Variants in KATNB1 observed in about 807,000 individuals in gnomAD.
KATNB1 encodes katanin regulatory subunit B1, also known as katanin p80 WD40 repeat-containing subunit B1.
A neutral mutation model predicts 82.3 loss-of-function variants in KATNB1; 38 were observed. That is an observed-to-expected ratio of 0.46 (90% CI 0.36 to 0.61). The LOEUF (loss-of-function observed/expected upper bound fraction) is 0.61. Ranked by LOEUF, KATNB1 falls within the 20% of genes least tolerant of loss-of-function variation. The pLI, the probability that KATNB1 is intolerant of heterozygous loss-of-function variation, is 0.00. For missense variants in KATNB1, 749 were observed against 915.7 expected (o/e 0.82, Z 2.35); for synonymous variants, 361 against 368.7 (o/e 0.98, Z 0.24).
chr16:57,739,147 C>A (rs146217323), intron 2 of KATNB1, among the ~76,000 whole-genome samples: 1 of 152,122 alleles, frequency 6.6e-6, no homozygotes, highest in African/African-American at 2.4e-5. Context: ...CTGAGGCTGC[C>A]GTGCTTTATC....
At chr16:57,750,076 A>G (rs1555582582) in intron 4 of KATNB1, among the ~76,000 whole-genome samples, 1 of 152,006 alleles carries the variant, frequency 6.6e-6, no homozygotes, top group African/African-American at 2.4e-5. Context: ...CTCCTCCATA[A>G]AGCCTTCCTG....
intron 4 of KATNB1, among the ~76,000 whole-genome samples, chr16:57,748,123 T>G (rs1555581914): frequency 6.6e-6 from 1 of 152,124 alleles, no homozygotes; most frequent in East Asian, 1.9e-4. Flanking sequence ...AAAACCCCAG[T>G]AGCTGCAGGT....
At position 57,751,922 on chromosome 16, in the gene KATNB1, TC is replaced by T; in HGVS notation, c.517-15del. On this transcript the variant is annotated splice_polypyrimidine_tract_variant and intron_variant, in intron 7 of 19. Coordinates refer to ENST00000379661, the MANE Select transcript of KATNB1 (RefSeq NM_005886.3). This position sits in a 1 kb window ranked among gnomAD's most constrained non-coding sequence, Gnocchi z 6.3. ...AAGATGCCTGGTCACCCTGACCTCC[TC>T]CCTGCCCTGCCTCCAGCTCTGGGAT... 6.3e-7 allele frequency: 1 copy of T among 1,599,648 alleles called. No individual in the cohort carries two copies.
chr16:57,753,532 T>A lies in KATNB1; in HGVS notation c.1177+13T>A, dbSNP rs1555584479. 1 of 1,611,782 alleles carries A rather than the reference T, an allele frequency of 6.2e-7. No individual in the cohort carries two copies. The highest frequency in any genetic ancestry group is 1.3e-5 in the African/African-American group (1 of 74,864). ...AAGAACAGCATCAGTGAGGCCGGGCTCCCGCCCCCAGCCCAGCGTCCCCAT... is the reference window on the plus strand; with the variant it reads ...AAGAACAGCATCAGTGAGGCCGGGCACCCGCCCCCAGCCCAGCGTCCCCAT... On this transcript the variant is annotated intron_variant, in intron 12 of 19. Coordinates refer to ENST00000379661, the MANE Select transcript of KATNB1 (RefSeq NM_005886.3).
Position 57,737,196 on chromosome 16 carries a change from GCA to G in KATNB1, c.-45_-44del, listed in dbSNP as rs770277243. On this transcript the variant is annotated 5_prime_UTR_variant, in exon 2 of 20. An upstream open reading frame in the 5' UTR loses its in-frame stop. Transcript: ENST00000379661. ...GATCCACCCCCACCCCACGAGGAAA[GCA>G]CAGTTTATTTTGTGGGTGGGGCTTC... is the stretch of plus-strand genomic sequence containing the variant. 4 of 1,612,030 alleles carry G rather than the reference GCA, an allele frequency of 2.5e-6. No individual in the cohort carries two copies. Among genetic ancestry groups the G allele is most frequent in the South Asian group, 1.1e-5 (1 of 90,912 alleles).
chr16:57,754,874 C>T, intron 13 of KATNB1, 56 bp from the exon 14 acceptor site: 1 of 1,576,446 alleles, frequency 6.3e-7, no homozygotes. Flanking sequence ...CTGAGCCCTG[C>T]CCTTCTTGCC....
At chr16:57,746,603 A>G (rs1555581499) in intron 4 of KATNB1, among the ~76,000 whole-genome samples, 1 of 151,780 alleles carries the variant, frequency 6.6e-6, no homozygotes, top group African/African-American at 2.4e-5. Flanking sequence ...ATTTTTCAAG[A>G]GAGGCTGGAA....
intron 13 of KATNB1, 30 bp from the exon 14 acceptor site, chr16:57,754,900 G>A (rs1555585065): frequency 1.2e-6 from 2 of 1,613,284 alleles, no homozygotes; most frequent in South Asian, 2.2e-5. Flanking sequence ...CTTCTGGCCG[G>A]ACCCAGTCAT....
Position 57,737,097 on chromosome 16 carries a change from C to T in KATNB1, c.-147C>T. On this transcript the variant is annotated 5_prime_UTR_variant, in exon 2 of 20. Coordinates refer to ENST00000379661, the MANE Select transcript of KATNB1 (RefSeq NM_005886.3). ...TTTGGAACCACGAGGCACCCCAGGG[C>T]CAGAAGACGAGGCATTCTGTCTGCC... 2 of 981,938 alleles carry T rather than the reference C, an allele frequency of 2.0e-6. No individual in the cohort carries two copies. The highest frequency in any genetic ancestry group is 3.1e-6 in the Non-Finnish European group (2 of 636,862). 60.8% of individuals were successfully genotyped at this position (981,938 alleles called of 1,614,324 possible).
chr16:57,747,578 C>G (rs1480927917), intron 4 of KATNB1, among the ~76,000 whole-genome samples: 1 of 152,252 alleles, frequency 6.6e-6, no homozygotes, highest in Admixed American at 6.5e-5. Flanking sequence ...CTTTGCGTCT[C>G]GGCACGTGAT....
In KATNB1 at chr16:57,755,312, C is replaced by T. The variant is rs782744587; in HGVS notation, c.1417-33C>T. The T allele has an allele frequency of 1.9e-6, 3 of 1,611,684 alleles. No individual in the cohort carries two copies. The South Asian group carries it at 3.3e-5, about 18-fold the overall frequency. On this transcript the variant is annotated intron_variant, in intron 15 of 19. Coordinates refer to ENST00000379661, the MANE Select transcript of KATNB1 (RefSeq NM_005886.3). ...GGCAGAGCTTTGCTGCTGGCTCCTC[C>T]CATGCCAGCATCTGGGTGTCCATCC...
At chr16:57,756,145 A>AC in intron 18 of KATNB1, 79 bp downstream of exon 18, 2 of 1,495,054 alleles carry the variant, frequency 1.3e-6, no homozygotes, top group Non-Finnish European at 1.8e-6. Flanking sequence ...CATGGGAAGG[A>AC]CCCCCAAGAG....
rs1555585656 is a variant in KATNB1 at position 57,755,468 on chromosome 16, G to A, written c.1540G>A (p.Ala514Thr). The A allele has an allele frequency of 6.2e-7, 1 of 1,613,330 alleles. No homozygotes were observed. Among genetic ancestry groups the A allele is most frequent in the East Asian group, 2.2e-5 (1 of 44,874 alleles). The change falls in exon 16 of 20, where the codon GCT becomes ACT. Residue 514 changes from alanine (A) to threonine (T), a missense_variant. Physicochemically the swap from Ala to Thr is moderately conservative, Grantham distance 58 (BLOSUM62 0). Coordinates refer to ENST00000379661, the MANE Select transcript of KATNB1 (RefSeq NM_005886.3). ...CCACAAGAACCTGGACACTGTGCGGGCTGTGTGGACCATGGGCGACATCAA... is the reference window on the plus strand; with the variant it reads ...CCACAAGAACCTGGACACTGTGCGGACTGTGTGGACCATGGGCGACATCAA... Reference protein sequence around the residue: ...SRHKNLDTVRAVWTMGDIKTS... With the variant: ...SRHKNLDTVRTVWTMGDIKTS...
chr16:57,755,410 C>T lies in KATNB1; in HGVS notation c.1482C>T (p.Gly494=), dbSNP rs1555585588. ...ATGCCATGTCACAGATCCGCAAAGGCCACGACACCATGTGTGTGGTGCTCA... is the reference window on the plus strand; with the variant it reads ...ATGCCATGTCACAGATCCGCAAAGGTCACGACACCATGTGTGTGGTGCTCA... ...DEDAMSQIRK[G]HDTMCVVLTS... is the part of the protein sequence containing the mutation. The change falls in exon 16 of 20, where the codon GGC becomes GGT. Residue 494 remains glycine, a synonymous_variant. Coordinates refer to ENST00000379661, the MANE Select transcript of KATNB1 (RefSeq NM_005886.3). 4 of 1,613,302 alleles carry T rather than the reference C, an allele frequency of 2.5e-6. No homozygotes were observed. The Admixed American group carries it at 5.0e-5, about 20-fold the overall frequency.
chr16:57,741,742 C>CG lies in KATNB1; in HGVS notation c.99dup (p.Arg34AlafsTer9). On this transcript the variant is annotated frameshift_variant, in exon 3 of 20. Transcript: ENST00000379661. LOFTEE classifies it high-confidence loss of function. ...CCTCACTGGTGCTGGGCAAAGCCTC[C>CG]GGGCGGCTGCTGGCTACAGGCGGGG... 1 of 1,614,164 alleles carries CG rather than the reference C, an allele frequency of 6.2e-7. No individual in the cohort carries two copies.
At position 57,753,269 on chromosome 16, in the gene KATNB1, T is replaced by C; in HGVS notation, c.1046+2T>C. 1 of 1,593,476 alleles carries C rather than the reference T, an allele frequency of 6.3e-7. No homozygotes were observed. The highest frequency in any genetic ancestry group is 8.6e-7 in the Non-Finnish European group (1 of 1,167,464). On this transcript the variant is annotated splice_donor_variant, in intron 11 of 19. Coordinates refer to ENST00000379661, the MANE Select transcript of KATNB1 (RefSeq NM_005886.3). LOFTEE classifies it high-confidence loss of function. ...CACAACCTGCAGCAAGCCTCAGAGG[T>C]GAGGGCCTGGGGGGCCTTCGGGGGC...
At chr16:57,754,465 C>G (rs1364967348) in intron 13 of KATNB1, among the ~76,000 whole-genome samples, 1 of 152,194 alleles carries the variant, frequency 6.6e-6, no homozygotes, top group Non-Finnish European at 1.5e-5. Context: ...GTCAGGCCCA[C>G]AAGGCCTCAG....
In KATNB1 at chr16:57,737,177, C is replaced by G; in HGVS notation, c.-67C>G. The G allele has an allele frequency of 1.3e-6, 2 of 1,583,316 alleles. No homozygotes were observed. Among genetic ancestry groups the G allele is most frequent in the Non-Finnish European group, 1.7e-6 (2 of 1,155,180 alleles). ...ATTGGTGGATCTGGGGGGGGATCCA[C>G]CCCCACCCCACGAGGAAAGCACAGT... is the stretch of plus-strand genomic sequence containing the variant. On this transcript the variant is annotated 5_prime_UTR_variant, in exon 2 of 20. Transcript: ENST00000379661.
intron 14 of KATNB1, 21 bp from the exon 15 acceptor site, chr16:57,755,098 C>A: frequency 6.2e-7 from 1 of 1,612,986 alleles, no homozygotes; most frequent in Non-Finnish European, 8.5e-7. Context: ...GGCCGGCAAC[C>A]GCTGAGTTTC....
Sources: gnomAD v4.1 joint callset for allele counts (sites outside exome capture counted in the v4.1 genomes callset) on GRCh38, gnomAD v4.1.1 for gene constraint, Gnocchi (gnomAD v3.1) non-coding constraint, MANE v1.5 for transcripts, NCBI Gene and HGNC (gene_info 2026-07-23, HGNC 2026-07-21) for gene names.